The following SIN3A variants were observed in gnomAD, a reference collection of about 807,000 sequenced individuals.
SIN3A encodes the protein SIN3 transcription regulator family member A, also known as paired amphipathic helix protein Sin3a.
SIN3A carries 14 observed loss-of-function variants against 146.1 expected under a neutral mutation model. The ratio of observed to expected loss-of-function variants is 0.10; its 90% CI spans 0.06 to 0.15. The LOEUF (loss-of-function observed/expected upper bound fraction) is 0.15, where lower values mean the gene tolerates loss of function less well. Ranked by LOEUF, SIN3A falls within the 10% of genes least tolerant of loss-of-function variation. SIN3A has a pLI of 1.00. For synonymous variants in SIN3A, 572 were observed against 572.0 expected (o/e 1.00, Z 0.00); for missense variants, 1,028 against 1,576.0 (o/e 0.65, Z 5.89).
rs982847041 is a variant in SIN3A at position 75,413,532 on chromosome 15, A to G, written c.474-487T>C. 2.0e-5 allele frequency among the ~76,000 whole-genome samples: 3 copies of G among 149,098 alleles called. No homozygotes were observed. In the South Asian group the frequency reaches 6.3e-4, roughly 31 times the overall value. On this transcript the variant is annotated intron_variant, in intron 4 of 20. Coordinates refer to ENST00000394947, the MANE Select transcript of SIN3A (RefSeq NM_001145358.2). ...GCCATTTAGTTTTAGACTCAAAGATACTTGGCCACAATTTGTTTTTTTTTT... is the reference window on the plus strand; with the variant it reads ...GCCATTTAGTTTTAGACTCAAAGATGCTTGGCCACAATTTGTTTTTTTTTT...
intron 15 of SIN3A, among the ~76,000 whole-genome samples, chr15:75,390,729 T>C (rs1029793147): frequency 3.9e-5 from 6 of 152,326 alleles, no homozygotes; most frequent in South Asian, 4.1e-4. Flanking sequence ...TTTCTATATA[T>C]ACATGCCGTA....
intron 1 of SIN3A, among the ~76,000 whole-genome samples, chr15:75,446,647 A>T (rs925573401): frequency 4.0e-5 from 6 of 151,672 alleles, no homozygotes; most frequent in Non-Finnish European, 7.4e-5. Flanking sequence ...ACGCGCCAGC[A>T]TGCTTGGCTA....
intron 19 of SIN3A, among the ~76,000 whole-genome samples, 166 bp downstream of exon 19, chr15:75,380,463 A>AG (rs2072943363): frequency 1.3e-5 from 2 of 152,188 alleles, no homozygotes; most frequent in African/African-American, 4.8e-5. Context: ...CACATGCTCC[A>AG]GGTAAGCTCA....
At chr15:75,444,922 A>G (rs976690657) in intron 1 of SIN3A, among the ~76,000 whole-genome samples, 1 of 152,216 alleles carries the variant, frequency 6.6e-6, no homozygotes, top group African/African-American at 2.4e-5. Flanking sequence ...TTTCCAAAGA[A>G]AAAGTTTTTT....
chr15:75,407,109 A>C lies in SIN3A; in HGVS notation c.1353T>G (p.Ser451=). ...CACCATGTTTGCTGGCATCTGCCAT[A>C]GAAGAATCCTTCAGATTGAGCAGTT... ...KPKLLNLKDS[S]MADASKHGGG... is the part of the protein sequence containing the mutation. Residue 451 remains serine, a synonymous_variant, in exon 9 of 21, where the codon TCT becomes TCG. Transcript: ENST00000394947. 1 of 1,613,022 alleles carries C rather than the reference A, an allele frequency of 6.2e-7. No individual in the cohort carries two copies. Among genetic ancestry groups the C allele is most frequent in the Non-Finnish European group, 8.5e-7 (1 of 1,179,464 alleles).
chr15:75,445,797 A>G (rs991333942), intron 1 of SIN3A, among the ~76,000 whole-genome samples: 1 of 152,016 alleles, frequency 6.6e-6, no homozygotes, highest in African/African-American at 2.4e-5. Flanking sequence ...AAAAGAAAAT[A>G]GAGCATTACA....
chr15:75,388,973 A>G (rs112060945), intron 16 of SIN3A: 70 of 152,308 alleles, frequency 4.6e-4, no homozygotes, highest in African/African-American at 1.6e-3. Flanking sequence ...GCTATTTTTT[A>G]TATCATTGTT....
intron 1 of SIN3A, among the ~76,000 whole-genome samples, chr15:75,449,934 C>T (rs551590930): frequency 6.6e-5 from 10 of 152,240 alleles, no homozygotes; most frequent in African/African-American, 2.4e-4. Context: ...CGCTTGCCAC[C>T]ACGCCCAGCT....
rs1023049938 is a variant in SIN3A at position 75,376,001 on chromosome 15, T to A, written c.3384-129A>T. On this transcript the variant is annotated intron_variant, in intron 19 of 20. Transcript: ENST00000394947. ...CCAATTTGTTAAATACATACACAAATGTTCAGTTGTTTCACTGCAAAAAAA... is the reference window on the plus strand; with the variant it reads ...CCAATTTGTTAAATACATACACAAAAGTTCAGTTGTTTCACTGCAAAAAAA... 145 of 898,746 alleles carry A rather than the reference T, an allele frequency of 1.6e-4. 2 individuals carry two copies. Among genetic ancestry groups the A allele is most frequent in the Middle Eastern group, 1.6e-3 (5 of 3,204 alleles). 55.7% of individuals were successfully genotyped at this position (898,746 alleles called of 1,614,324 possible). A position where few individuals can be genotyped will look rare whatever the true frequency, so the allele number is the denominator to read the frequency against.
At chr15:75,436,555 C>A (rs1465299552) in intron 1 of SIN3A, 1 of 152,038 alleles carries the variant, frequency 6.6e-6, no homozygotes, top group Admixed American at 6.5e-5. Context: ...TGAAATACAT[C>A]AAAAAATCAG....
In SIN3A at chr15:75,400,176, G is replaced by C. The variant is rs1197031545; in HGVS notation, c.1738-20C>G. Reference sequence around the variant, plus strand: ...TAAAACCTTTGGGTAGAAGAAGAGAGACTGAAACAAAAGCCTAAAAAAGCT... The same window carrying C: ...TAAAACCTTTGGGTAGAAGAAGAGACACTGAAACAAAAGCCTAAAAAAGCT... On this transcript the variant is annotated intron_variant, in intron 11 of 20. Transcript: ENST00000394947. The C allele has an allele frequency of 1.0e-5, 14 of 1,390,150 alleles. No individual in the cohort carries two copies. Among genetic ancestry groups the C allele is most frequent in the Non-Finnish European group, 1.3e-5 (13 of 988,698 alleles). 86.1% of individuals were successfully genotyped at this position (1,390,150 alleles called of 1,614,324 possible).
upstream of SIN3A, among the ~76,000 whole-genome samples, chr15:75,454,669 G>GCGCGCACACGCC (rs911081921): frequency 1.3e-5 from 2 of 151,866 alleles, no homozygotes; most frequent in Non-Finnish European, 2.9e-5. Flanking sequence ...CCCCTCGTGG[G>GCGCGCACACGCC]CGCGCACACG....
chr15:75,374,623 T>A (rs2141365569), intron 20 of SIN3A, among the ~76,000 whole-genome samples: 1 of 152,372 alleles, frequency 6.6e-6, no homozygotes, highest in South Asian at 2.1e-4. Flanking sequence ...CAAAGTGATG[T>A]GGCCTCTGCC....
At chr15:75,442,455 A>G (rs1441746734) in intron 1 of SIN3A, among the ~76,000 whole-genome samples, 3 of 151,552 alleles carry the variant, frequency 2.0e-5, no homozygotes, top group Non-Finnish European at 4.4e-5. Flanking sequence ...TTGCAGGCAT[A>G]TGCCACTGCA....
chr15:75,387,678 ATTAAAAG>A (rs1312061407), intron 16 of SIN3A, among the ~76,000 whole-genome samples: 2 of 151,866 alleles, frequency 1.3e-5, no homozygotes, highest in East Asian at 3.9e-4. Flanking sequence ...CCTCAGAATT[ATTAAAAG>A]TTAGTTTTAT....
intron 3 of SIN3A, among the ~76,000 whole-genome samples, chr15:75,416,258 G>A (rs775632030): frequency 3.3e-5 from 5 of 152,130 alleles, no homozygotes; most frequent in African/African-American, 4.8e-5. Context: ...ACTGACGTGG[G>A]GAAAACACCT....
At chr15:75,442,799 G>A (rs1446343698) in intron 1 of SIN3A, among the ~76,000 whole-genome samples, 1 of 151,738 alleles carries the variant, frequency 6.6e-6, no homozygotes, top group Admixed American at 6.6e-5. Context: ...AGGCATGGTG[G>A]TACATGCCTG....
At chr15:75,406,702 C>CA (rs1341234784) in intron 9 of SIN3A, among the ~76,000 whole-genome samples, 1 of 152,118 alleles carries the variant, frequency 6.6e-6, no homozygotes, top group African/African-American at 2.4e-5. Context: ...AAAAAGATTA[C>CA]AAGTCATCTT....
At chr15:75,396,626 A>G in intron 12 of SIN3A, 130 bp from the exon 13 acceptor site, 1 of 653,784 alleles carries the variant, frequency 1.5e-6, no homozygotes, top group Middle Eastern at 4.0e-4. Context: ...CTAGCTACAT[A>G]AGACTGTTTC....
Sources: gnomAD v4.1 joint callset for allele counts (sites outside exome capture counted in the v4.1 genomes callset) on GRCh38, gnomAD v4.1.1 for gene constraint, MANE v1.5 for transcripts, NCBI Gene and HGNC (gene_info 2026-07-23, HGNC 2026-07-21) for gene names.